AKR1C3: variants seen among roughly 807,000 people sequenced by gnomAD.
AKR1C3 encodes 3-alpha hydroxysteroid dehydrogenase, type II.
A neutral mutation model predicts 43.6 loss-of-function variants in AKR1C3; 48 were observed. That is an observed-to-expected ratio of 1.10 (90% CI 0.87 to 1.40). The LOEUF (loss-of-function observed/expected upper bound fraction) is 1.40. Among genes scored for constraint, AKR1C3 ranks in the 40% most tolerant of loss-of-function variants. The pLI is 0.00. For missense variants in AKR1C3, 482 were observed against 391.2 expected, an observed-to-expected ratio of 1.23 and a Z score of -1.96; for synonymous variants, 162 against 139.6, an observed-to-expected ratio of 1.16 and a Z score of -1.13.
chr10:5,059,898 A>G (rs1394774142), intron 1 of AKR1C3, among the ~76,000 whole-genome samples: 2 of 151,824 alleles, frequency 1.3e-5, no homozygotes, highest in Non-Finnish European at 2.9e-5. Context: ...GAAGCCGCGG[A>G]CCCTCGCAGT....
intron 1 of AKR1C3, among the ~76,000 whole-genome samples, chr10:5,053,178 G>A (rs931627011): frequency 2.6e-5 from 4 of 152,246 alleles, no homozygotes; most frequent in Non-Finnish European, 2.9e-5. Flanking sequence ...TGATGGGACT[G>A]GGTGCCGTGG....
At chr10:5,052,678 G>A (rs1838176776) in intron 1 of AKR1C3, among the ~76,000 whole-genome samples, 1 of 151,964 alleles carries the variant, frequency 6.6e-6, no homozygotes, top group Admixed American at 6.6e-5. Context: ...AGTGCCGATT[G>A]GTATATTTAC....
chr10:5,098,304 T>C, intron 3 of AKR1C3: 1 of 588,968 alleles, frequency 1.7e-6, no homozygotes, highest in African/African-American at 2.0e-5. Flanking sequence ...GTGGCGATTA[T>C]GGCTTTGGAG....
rs551412845 is a variant in AKR1C3 at position 5,083,026 on chromosome 10, T to C, written c.85-13384T>C. Among the ~76,000 whole-genome samples the C allele has an allele frequency of 2.0e-5, 3 of 152,316 alleles. No individual in the cohort carries two copies. In the South Asian group the frequency reaches 6.2e-4, roughly 32 times the overall value. Reference sequence around the variant, plus strand: ...GCTCTGGATTTCTATTTCTTCCTGATTCAATGTTGGGAGGTTGTGTGTTTC... The same window carrying C: ...GCTCTGGATTTCTATTTCTTCCTGACTCAATGTTGGGAGGTTGTGTGTTTC... On this transcript the variant is annotated intron_variant, in intron 1 of 8. Transcript: ENST00000439082.
chr10:5,095,482 T>TA (rs567532151), intron 1 of AKR1C3, among the ~76,000 whole-genome samples: 15,773 of 137,826 alleles, frequency 0.11, 912 homozygotes, highest in Middle Eastern at 0.19. Flanking sequence ...AAAAAAGATT[T>TA]AAAAAAAAAA....
intron 7 of AKR1C3, among the ~76,000 whole-genome samples, chr10:5,103,241 G>A (rs11252942): frequency 0.26 from 39,672 of 151,996 alleles, 5,409 homozygotes; most frequent in Middle Eastern, 0.37. Flanking sequence ...TAGTCTACCA[G>A]TCATTGTGGA....
intron 1 of AKR1C3, among the ~76,000 whole-genome samples, chr10:5,073,574 G>A (rs184108399): frequency 2.6e-5 from 4 of 152,278 alleles, no homozygotes; most frequent in Admixed American, 2.6e-4. Context: ...ACATGACTCA[G>A]CGAGCAGCTC....
intron 1 of AKR1C3, among the ~76,000 whole-genome samples, chr10:5,071,949 G>A (rs1284368201): frequency 6.6e-6 from 1 of 152,124 alleles, no homozygotes; most frequent in Non-Finnish European, 1.5e-5. Context: ...TTCAGTTCAC[G>A]CTGGACCTCT....
At chr10:5,064,368 T>C (rs1490508472) in intron 1 of AKR1C3, among the ~76,000 whole-genome samples, 1 of 152,124 alleles carries the variant, frequency 6.6e-6, no homozygotes, top group Admixed American at 6.5e-5. Context: ...TTACACTGTA[T>C]TAAAAAATCA....
chr10:5,053,218 C>T (rs1024040128), intron 1 of AKR1C3, among the ~76,000 whole-genome samples: 6 of 152,230 alleles, frequency 3.9e-5, no homozygotes, highest in Admixed American at 1.3e-4. Context: ...CAGGGAGGCT[C>T]CAGCCACACA....
At chr10:5,073,352 A>C (rs1554781506) in intron 1 of AKR1C3, among the ~76,000 whole-genome samples, 1 of 152,198 alleles carries the variant, frequency 6.6e-6, no homozygotes, top group African/African-American at 2.4e-5. Flanking sequence ...TTTTAACATT[A>C]TTCTCCAATA....
chr10:5,102,251 G>A, intron 6 of AKR1C3, 41 bp downstream of exon 6: 1 of 1,595,756 alleles, frequency 6.3e-7, no homozygotes, highest in Non-Finnish European at 8.6e-7. Context: ...CCTTCATTTT[G>A]CAGAAAATTT....
intron 1 of AKR1C3, among the ~76,000 whole-genome samples, chr10:5,063,940 C>T (rs1367209735): frequency 6.6e-6 from 1 of 151,996 alleles, no homozygotes; most frequent in Non-Finnish European, 1.5e-5. Flanking sequence ...AATGTCATTG[C>T]CTCGCCAACT....
chr10:5,079,300 C>G (rs553392615), intron 1 of AKR1C3, among the ~76,000 whole-genome samples: 1 of 152,178 alleles, frequency 6.6e-6, no homozygotes, highest in South Asian at 2.1e-4. Context: ...TGCAATAAAA[C>G]AAAATGTGCC....
chr10:5,050,821 T>A (rs2131768744), intron 1 of AKR1C3, among the ~76,000 whole-genome samples: 1 of 152,344 alleles, frequency 6.6e-6, no homozygotes, highest in East Asian at 1.9e-4. Context: ...CAGTTTACAT[T>A]TCTGAAAATT....
intron 3 of AKR1C3, chr10:5,098,058 T>G: frequency 1.0e-6 from 1 of 998,300 alleles, no homozygotes. Flanking sequence ...CAATAGAGTT[T>G]GAAGCTGTAT....
intron 3 of AKR1C3, chr10:5,098,059 G>A (rs1404692844): frequency 2.0e-6 from 2 of 997,632 alleles, no homozygotes; most frequent in African/African-American, 3.5e-5. Context: ...AATAGAGTTT[G>A]AAGCTGTATT....
chr10:5,080,356 G>C (rs1245416862), intron 1 of AKR1C3, among the ~76,000 whole-genome samples: 2 of 152,148 alleles, frequency 1.3e-5, no homozygotes, highest in African/African-American at 4.8e-5. Context: ...GGGTGCGGTA[G>C]CTAATGTCTG....
In AKR1C3 at chr10:5,097,702, C is replaced by A. The variant is rs552317814; in HGVS notation, c.369+152C>A. 13 of 1,479,864 alleles carry A rather than the reference C, an allele frequency of 8.8e-6. No homozygotes were observed. In the African/African-American group the frequency reaches 1.3e-4, roughly 15 times the overall value. 91.7% of individuals were successfully genotyped at this position (1,479,864 alleles called of 1,614,324 possible). ...GTGGAACACCTAATTTCCTTTCTTTCGAGTAAATTTTGAATCCTACTTCTC... is the reference window on the plus strand; with the variant it reads ...GTGGAACACCTAATTTCCTTTCTTTAGAGTAAATTTTGAATCCTACTTCTC... On this transcript the variant is annotated intron_variant, in intron 3 of 8. Coordinates refer to ENST00000380554, the MANE Select transcript of AKR1C3 (RefSeq NM_003739.6).
Sources: allele counts gnomAD v4.1 joint callset (sites outside exome capture counted in the v4.1 genomes callset), GRCh38; gene constraint gnomAD v4.1.1; transcripts MANE v1.5; gene names NCBI Gene and HGNC (gene_info 2026-07-23, HGNC 2026-07-21).